Variants in MAP7D3 observed in about 807,000 individuals in gnomAD.
MAP7D3 encodes the protein MAP7 domain-containing protein 3.
In MAP7D3, 45 loss-of-function variants were observed where a neutral mutation model predicts 62.2. That is an observed-to-expected ratio of 0.72 (90% CI 0.57 to 0.93). The LOEUF (loss-of-function observed/expected upper bound fraction) is 0.93, where lower values mean the gene tolerates loss of function less well. Among genes scored for constraint, MAP7D3 ranks in the 40% least tolerant of loss-of-function variants. The probability of loss-of-function intolerance (pLI) is 0.00; values close to 1 mark genes in which losing one functional copy is unlikely to be tolerated. For synonymous variants in MAP7D3, 288 were observed against 248.8 expected (o/e 1.16, Z -1.48); for missense variants, 711 against 683.1 (o/e 1.04, Z -0.45).
At chrX:136,216,456 G>C (rs949279590), downstream of MAP7D3, among the ~76,000 whole-genome samples, 2 of 101,865 alleles carry the variant, frequency 2.0e-5, no homozygotes, top group African/African-American at 7.1e-5. Flanking sequence ...AAAAAAAAAA[G>C]CCAGGTATGG....
upstream of MAP7D3, among the ~76,000 whole-genome samples, chrX:136,252,489 C>T (rs2074522914): frequency 9.5e-6 from 1 of 104,920 alleles, no homozygotes; most frequent in African/African-American, 3.5e-5. Flanking sequence ...CTAGCCTGGC[C>T]AACATGGTGA....
intron 6 of MAP7D3, among the ~76,000 whole-genome samples, chrX:136,236,846 T>C (rs1163440165): frequency 8.9e-6 from 1 of 111,870 alleles, no homozygotes; most frequent in Admixed American, 9.5e-5. Context: ...ATGTATCAAC[T>C]TGTAGGCTCT....
At chrX:136,230,289 T>C in intron 10 of MAP7D3, 96 bp downstream of exon 10, 1 of 506,381 alleles carries the variant, frequency 2.0e-6, no homozygotes, top group Non-Finnish European at 3.4e-6. Context: ...TTCCCTAAAG[T>C]TCTCTCAATT....
At chrX:136,232,630 T>C (rs2074285177) in intron 7 of MAP7D3, among the ~76,000 whole-genome samples, 1 of 112,422 alleles carries the variant, frequency 8.9e-6, no homozygotes, top group African/African-American at 3.2e-5. Context: ...CCATTATAGG[T>C]GATTATGTAA....
At chrX:136,227,002 GC>G (rs1417817262) in intron 12 of MAP7D3, among the ~76,000 whole-genome samples, 1 of 111,214 alleles carries the variant, frequency 9.0e-6, no homozygotes, top group Non-Finnish European at 1.9e-5. Context: ...GGTGTCAGAT[GC>G]CTGTAATCCC....
intron 6 of MAP7D3, among the ~76,000 whole-genome samples, chrX:136,237,900 G>A (rs962901958): frequency 5.4e-5 from 5 of 93,006 alleles, no homozygotes; most frequent in Admixed American, 2.5e-4. Flanking sequence ...AACAGGCCCC[G>A]GTGTGTGATG....
chrX:136,251,481 G>T, upstream of MAP7D3: 1 of 827,303 alleles, frequency 1.2e-6, no homozygotes, highest in Non-Finnish European at 1.5e-6. Flanking sequence ...GGCGGGGCGG[G>T]GCCCGAAGGG....
Position 136,236,243 on chromosome X carries a change from C to T in MAP7D3, c.736+1G>A. 1 of 1,134,621 alleles carries T rather than the reference C, an allele frequency of 8.8e-7. No homozygotes were observed. The allele number at this position is 1,134,621 out of a possible 1,213,427, so 93.5% of individuals were successfully genotyped here. ...AAAATTTGTATTTAGAAGTAACTAACCACGTGGCTTCCTTTCGGCTTGTTC... is the reference window on the plus strand; with the variant it reads ...AAAATTTGTATTTAGAAGTAACTAATCACGTGGCTTCCTTTCGGCTTGTTC... On this transcript the variant is annotated splice_donor_variant, in intron 7 of 18. Transcript: ENST00000316077. LOFTEE classifies it high-confidence loss of function.
At chrX:136,234,309 C>A (rs2074306499) in intron 7 of MAP7D3, among the ~76,000 whole-genome samples, 1 of 111,265 alleles carries the variant, frequency 9.0e-6, no homozygotes, top group Admixed American at 9.6e-5. Flanking sequence ...AAAGTCCACA[C>A]AACTCTGAAG....
chrX:136,230,596 G>A lies in MAP7D3; in HGVS notation c.1542-3C>T, dbSNP rs760262718. ...GGCAGTTCTTTTGGATTTGCCTGCT[G>A]AGAAAAAGTAATACACATTTGCTAA... On this transcript the variant is annotated splice_region_variant and splice_polypyrimidine_tract_variant and intron_variant, in intron 9 of 18. Coordinates refer to ENST00000316077, the MANE Select transcript of MAP7D3 (RefSeq NM_024597.4). 3 of 1,134,455 alleles carry A rather than the reference G, an allele frequency of 2.6e-6. No individual in the cohort carries two copies. The East Asian group carries it at 9.0e-5, about 34-fold the overall frequency. 93.5% of individuals were successfully genotyped at this position (1,134,455 alleles called of 1,213,427 possible). A position where few individuals can be genotyped will look rare whatever the true frequency, so the allele number is the denominator to read the frequency against.
chrX:136,222,507 C>A (rs755166952), intron 14 of MAP7D3, 21 bp from the exon 15 acceptor site: 5 of 1,089,530 alleles, frequency 4.6e-6, no homozygotes, highest in South Asian at 1.9e-5. Context: ...AAAAGGAAAT[C>A]TTGATTATGC....
At chrX:136,229,991 A>ATTT (rs1458959720) in intron 10 of MAP7D3, among the ~76,000 whole-genome samples, 62 of 50,922 alleles carry the variant, frequency 1.2e-3, no homozygotes, top group East Asian at 3.3e-3. Flanking sequence ...ATATATATAT[A>ATTT]TATTTTTTTT....
intron 11 of MAP7D3, among the ~76,000 whole-genome samples, 198 bp from the exon 12 acceptor site, chrX:136,227,629 G>A (rs535172109): frequency 1.1e-3 from 125 of 109,491 alleles, no homozygotes; most frequent in African/African-American, 3.8e-3. Flanking sequence ...ACTAGCCCTC[G>A]GGAGCAGAAA....
In MAP7D3 at chrX:136,222,832, GT is replaced by G. The variant is rs769168177; in HGVS notation, c.2194-347del. 2.9e-3 allele frequency among the ~76,000 whole-genome samples: 255 copies of G among 87,015 alleles called. 2 individuals carry two copies. Among genetic ancestry groups the G allele is most frequent in the African/African-American group, 4.2e-3 (101 of 24,163 alleles). The allele number at this position is 87,015 out of a possible 115,157, so 75.6% of individuals were successfully genotyped here. A position where few individuals can be genotyped will look rare whatever the true frequency, so the allele number is the denominator to read the frequency against. On this transcript the variant is annotated intron_variant, in intron 14 of 18. Transcript: ENST00000316077. ...GTGAATAGCTAAAAAGTTTTTGACT[GT>G]TTTTTTTTTTTTTTTTGGGAGAGGG...
chrX:136,225,855 G>T (rs2074187778), intron 13 of MAP7D3, 54 bp downstream of exon 13: 1 of 772,805 alleles, frequency 1.3e-6, no homozygotes, highest in Non-Finnish European at 1.9e-6. Flanking sequence ...GATATCAGGT[G>T]CCCAACATTG....
intron 4 of MAP7D3, among the ~76,000 whole-genome samples, chrX:136,242,932 G>A (rs2074405515): frequency 8.9e-6 from 1 of 112,043 alleles, no homozygotes; most frequent in African/African-American, 3.2e-5. Flanking sequence ...CTGAATGAGA[G>A]TCTACCAAAT....
rs773173920 is a variant in MAP7D3 at position 136,230,976 on chromosome X, T to G, written c.1414-10A>C. On this transcript the variant is annotated splice_polypyrimidine_tract_variant and intron_variant, in intron 8 of 18. Transcript: ENST00000316077. ...TGTCCATTTCTGATTTCTGAACAGA[T>G]AAACACAGTATGGTAAATTACTAAC... The G allele has an allele frequency of 2.6e-6, 3 of 1,168,943 alleles. No individual in the cohort carries two copies. The Admixed American group carries it at 7.0e-5, about 27-fold the overall frequency.
At chrX:136,252,405 G>C (rs1222639413), upstream of MAP7D3, among the ~76,000 whole-genome samples, 1 of 108,359 alleles carries the variant, frequency 9.2e-6, no homozygotes, top group Non-Finnish European at 1.9e-5. Flanking sequence ...GGGCAGGCAC[G>C]GTGGCTCATG....
intron 1 of MAP7D3, among the ~76,000 whole-genome samples, chrX:136,247,590 ATT>A (rs35551706): frequency 0.023 from 2,141 of 94,178 alleles, 26 homozygotes; most frequent in Non-Finnish European, 0.034. Context: ...AAGGATCACC[ATT>A]TTTTTTTTTT....
Sources: gnomAD v4.1 joint callset for allele counts (sites outside exome capture counted in the v4.1 genomes callset) on GRCh38, gnomAD v4.1.1 for gene constraint, MANE v1.5 for transcripts, NCBI Gene and HGNC (gene_info 2026-07-23, HGNC 2026-07-21) for gene names.